CFAP44: variants seen among roughly 807,000 people sequenced by gnomAD.
The protein encoded by CFAP44 is cilia and flagella associated protein 44, also known as cilia- and flagella-associated protein 44.
Under a neutral mutation model 216.2 loss-of-function variants are expected in CFAP44, and 134 were observed. That is an observed-to-expected ratio of 0.62 (90% CI 0.54 to 0.72). The LOEUF (loss-of-function observed/expected upper bound fraction) is 0.72, where lower values mean the gene tolerates loss of function less well. Among genes scored for constraint, CFAP44 ranks in the 30% least tolerant of loss-of-function variants. CFAP44 has a pLI of 0.00. For missense variants in CFAP44, 2,035 were observed against 2,182.1 expected, an observed-to-expected ratio of 0.93 and a Z score of 1.34; for synonymous variants, 700 against 727.6, an observed-to-expected ratio of 0.96 and a Z score of 0.61.
intron 1 of CFAP44, chr3:113,434,561 T>C (rs1935190422): frequency 6.6e-6 from 1 of 152,208 alleles, no homozygotes; most frequent in Non-Finnish European, 1.5e-5. Flanking sequence ...CCTCTGTCTA[T>C]AATGCAGCTT....
intron 18 of CFAP44, among the ~76,000 whole-genome samples, chr3:113,368,394 G>A (rs1036599463): frequency 5.3e-5 from 8 of 152,254 alleles, no homozygotes; most frequent in Admixed American, 2.6e-4. Context: ...CAGATCTCTC[G>A]GCAGAAACCC....
intron 13 of CFAP44, among the ~76,000 whole-genome samples, chr3:113,399,385 C>A (rs1219772903): frequency 6.6e-6 from 1 of 152,188 alleles, no homozygotes; most frequent in Non-Finnish European, 1.5e-5. Context: ...TGGAACAACT[C>A]CCTATCTCAG....
At chr3:113,411,142 T>G (rs967427235) in intron 6 of CFAP44, among the ~76,000 whole-genome samples, 11 of 152,190 alleles carry the variant, frequency 7.2e-5, no homozygotes, top group Non-Finnish European at 1.5e-4. Flanking sequence ...AGAAGCTCTT[T>G]AGTTTAATTA....
rs138656627 is a variant in CFAP44 at position 113,335,747 on chromosome 3, C to A, written c.3438-2164G>T. Among the ~76,000 whole-genome samples, 175 of 152,286 alleles carry A rather than the reference C, an allele frequency of 1.1e-3. 1 individual carries two copies. Among genetic ancestry groups the A allele is most frequent in the African/African-American group, 3.2e-3 (132 of 41,544 alleles). ...TTATCAATCCTCTTGTCCTAATTGA[C>A]ATTTATAGAACACTATGCCAAGCAA... On this transcript the variant is annotated intron_variant, in intron 24 of 34. Coordinates refer to ENST00000393845, the MANE Select transcript of CFAP44 (RefSeq NM_001164496.2).
intron 6 of CFAP44, 32 bp downstream of exon 6, chr3:113,416,493 C>T (rs1934650874): frequency 2.0e-6 from 3 of 1,492,354 alleles, no homozygotes; most frequent in Non-Finnish European, 2.8e-6. Context: ...TATCCTTGAA[C>T]ATGAAATATT....
At chr3:113,397,043 G>T in intron 13 of CFAP44, 1 of 340,734 alleles carries the variant, frequency 2.9e-6, no homozygotes, top group Non-Finnish European at 5.4e-6. Context: ...ACAGAGTTTT[G>T]GTCTAGTGAA....
Position 113,296,741 on chromosome 3 carries a change from T to C in CFAP44, c.5222A>G (p.Glu1741Gly), listed in dbSNP as rs1309852688. The C allele has an allele frequency of 6.5e-7, 1 of 1,537,588 alleles. No individual in the cohort carries two copies. Among genetic ancestry groups the C allele is most frequent in the Admixed American group, 2.0e-5 (1 of 50,990 alleles). ...CTTCCTTACCTCCCACATCTTCATC[T>C]CTTTCGCATTTGCTAGCTCCTTTCG... ...KLRKELANAKEMKMWEEKIAQ... is the reference protein window; with the variant it reads ...KLRKELANAKGMKMWEEKIAQ... The change falls in exon 33 of 35, where the codon GAG becomes GGG. Residue 1741 changes from glutamate (E) to glycine (G), a missense_variant. By Grantham distance (98) the Glu-to-Gly change is moderately conservative. Transcript: ENST00000393845.
At chr3:113,360,915 T>C (rs1337105317) in intron 21 of CFAP44, 5 of 222,344 alleles carry the variant, frequency 2.2e-5, no homozygotes, top group Non-Finnish European at 4.7e-5. Context: ...GGAAGCTTGA[T>C]GCTACTAATA....
At chr3:113,418,275 C>A (rs7625933) in intron 5 of CFAP44, among the ~76,000 whole-genome samples, 1 of 151,748 alleles carries the variant, frequency 6.6e-6, no homozygotes, top group Non-Finnish European at 1.5e-5. Flanking sequence ...TTAGTAGATA[C>A]GGGGTTTTAC....
At chr3:113,441,494 G>C (rs1300783272), upstream of CFAP44, 9 of 985,468 alleles carry the variant, frequency 9.1e-6, no homozygotes, top group Non-Finnish European at 1.1e-5. Flanking sequence ...CACAGCGTCT[G>C]CCGGAGGCCT....
At chr3:113,415,734 T>C (rs140474057) in intron 6 of CFAP44, among the ~76,000 whole-genome samples, 168 of 152,088 alleles carry the variant, frequency 1.1e-3, no homozygotes, top group African/African-American at 3.9e-3. Flanking sequence ...GAGACTGTTA[T>C]GATTTCAACT....
chr3:113,347,771 T>C (rs1234972734), intron 22 of CFAP44, among the ~76,000 whole-genome samples: 1 of 152,142 alleles, frequency 6.6e-6, no homozygotes, highest in African/African-American at 2.4e-5. Context: ...ACCCCAGAGA[T>C]CCCTTCCCTC....
intron 6 of CFAP44, among the ~76,000 whole-genome samples, chr3:113,414,821 C>CT (rs1274007706): frequency 2.0e-5 from 3 of 151,848 alleles, no homozygotes; most frequent in East Asian, 1.9e-4. Flanking sequence ...CTGAGGTTTT[C>CT]TTTTTTTTGT....
chr3:113,362,783 A>C, intron 21 of CFAP44: 18 of 606,672 alleles, frequency 3.0e-5, no homozygotes, highest in Non-Finnish European at 4.0e-5. Flanking sequence ...GAAGCCAGCC[A>C]CCGGACGCTT....
chr3:113,378,520 T>C (rs1933414696), intron 17 of CFAP44, among the ~76,000 whole-genome samples: 1 of 152,168 alleles, frequency 6.6e-6, no homozygotes, highest in Admixed American at 6.5e-5. Context: ...CTAGTCAGTG[T>C]CCTGGCCTGG....
chr3:113,363,478 T>A lies in CFAP44; in HGVS notation c.2770A>T (p.Ser924Cys). 6.2e-7 allele frequency: 1 copy of A among 1,610,228 alleles called. No homozygotes were observed. Among genetic ancestry groups the A allele is most frequent in the Non-Finnish European group, 8.5e-7 (1 of 1,178,644 alleles). Reference sequence around the variant, plus strand: ...AGTATTTATCAAAAATTCCCATACCTGTAGGCTTTGGGATCTTCAATGTCT... The same window carrying A: ...AGTATTTATCAAAAATTCCCATACCAGTAGGCTTTGGGATCTTCAATGTCT... Reference protein sequence around the residue: ...PEDIEDPKAYSIENARRKREH... With the variant: ...PEDIEDPKAYCIENARRKREH... Residue 924 changes from serine to cysteine, a missense_variant and splice_region_variant, in exon 20 of 35, where the codon AGT (serine) becomes TGT (cysteine). Ser to Cys is a moderately radical substitution (Grantham distance 112). Coordinates refer to ENST00000393845, the MANE Select transcript of CFAP44 (RefSeq NM_001164496.2).
chr3:113,368,385 A>G (rs1051326010), intron 18 of CFAP44, among the ~76,000 whole-genome samples: 4 of 152,236 alleles, frequency 2.6e-5, no homozygotes, highest in African/African-American at 9.6e-5. Context: ...GACTAACAGC[A>G]GATCTCTCGG....
At chr3:113,380,855 G>T in intron 16 of CFAP44, 44 bp downstream of exon 16, 1 of 1,439,474 alleles carries the variant, frequency 6.9e-7, no homozygotes. Flanking sequence ...ATATTCTAAG[G>T]AAAGGAAATT....
In CFAP44 at chr3:113,303,881, A is replaced by T. The variant is rs1413365726; in HGVS notation, c.5077+35T>A. On this transcript the variant is annotated intron_variant, in intron 32 of 34. Coordinates refer to ENST00000393845, the MANE Select transcript of CFAP44 (RefSeq NM_001164496.2). ...GGATAATTCCCTTTCTTACCAATAA[A>T]CCTTACTAGCAAGGCTGTGGGCTTA... The T allele has an allele frequency of 9.1e-6, 14 of 1,532,866 alleles. 1 individual carries two copies. The highest frequency in any genetic ancestry group is 7.9e-5 in the Admixed American group (4 of 50,578). 95.0% of individuals were successfully genotyped at this position (1,532,866 alleles called of 1,614,324 possible).
Sources: allele counts gnomAD v4.1 joint callset (sites outside exome capture counted in the v4.1 genomes callset), GRCh38; gene constraint gnomAD v4.1.1; transcripts MANE v1.5; gene names NCBI Gene and HGNC (gene_info 2026-07-23, HGNC 2026-07-21).